NAA11: variants seen among roughly 807,000 people sequenced by gnomAD.
NAA11 encodes the protein N-alpha-acetyltransferase 11, NatA catalytic subunit.
In NAA11, 15 loss-of-function variants were observed where a neutral mutation model predicts 16.1. The observed-to-expected ratio is 0.93, with a 90% CI of 0.62 to 1.44. The LOEUF (loss-of-function observed/expected upper bound fraction) is 1.44. NAA11 is among the 40% of genes most tolerant of loss of function. NAA11 has a pLI of 0.00. For synonymous variants in NAA11, 122 were observed against 112.4 expected (o/e 1.09, Z -0.54); for missense variants, 298 against 291.3 (o/e 1.02, Z -0.17).
chr4:79,170,608 T>TTGTA, the NAA11 span, among the ~76,000 whole-genome samples: 1 of 152,170 alleles, frequency 6.6e-6, no homozygotes, highest in Non-Finnish European at 1.5e-5. Flanking sequence ...TAATGTCTTT[T>TTGTA]TGTAATTGGT....
At chr4:79,303,074 T>TAGATATATATATATATA (rs1560462860) in intron 1 of NAA11, among the ~76,000 whole-genome samples, 1 of 72,284 alleles carries the variant, frequency 1.4e-5, no homozygotes, top group African/African-American at 7.4e-5. Flanking sequence ...TCTTGAGGCC[T>TAGATATATATATATATA]TTTATATATA....
intron 1 of NAA11, among the ~76,000 whole-genome samples, chr4:79,301,467 T>A (rs1578187057): frequency 1.3e-5 from 2 of 152,338 alleles, no homozygotes; most frequent in East Asian, 3.9e-4. Flanking sequence ...TTGATACAAT[T>A]TTTTGATGAA....
At chr4:79,189,960 G>T in the NAA11 span, among the ~76,000 whole-genome samples, 1 of 152,190 alleles carries the variant, frequency 6.6e-6, no homozygotes, top group African/African-American at 2.4e-5. Context: ...TGGAAGGCTT[G>T]CAGAGAACTA....
At chr4:79,293,017 G>C (rs1451143268) in intron 2 of NAA11, among the ~76,000 whole-genome samples, 1 of 151,852 alleles carries the variant, frequency 6.6e-6, no homozygotes, top group East Asian at 1.9e-4. Context: ...AATTATATTT[G>C]TTGTCTATAT....
chr4:79,167,350 T>A, the NAA11 span, among the ~76,000 whole-genome samples: 2 of 146,708 alleles, frequency 1.4e-5, no homozygotes, highest in Non-Finnish European at 3.0e-5. Flanking sequence ...ACTTATGTTT[T>A]GGGAAATTTA....
At chr4:79,164,032 T>C in the NAA11 span, among the ~76,000 whole-genome samples, 4 of 152,172 alleles carry the variant, frequency 2.6e-5, no homozygotes, top group African/African-American at 7.2e-5. Context: ...ATCTCTTTGC[T>C]GATATTACCT....
At chr4:79,204,067 GA>G in the NAA11 span, among the ~76,000 whole-genome samples, 1 of 151,772 alleles carries the variant, frequency 6.6e-6, no homozygotes, top group Non-Finnish European at 1.5e-5. Context: ...TATGTAAATT[GA>G]TATAACTTTT....
At chr4:79,209,419 T>C in the NAA11 span, among the ~76,000 whole-genome samples, 1 of 152,160 alleles carries the variant, frequency 6.6e-6, no homozygotes, top group African/African-American at 2.4e-5. Context: ...CTATGAATGC[T>C]TAATCACCTG....
intron 2 of NAA11, among the ~76,000 whole-genome samples, chr4:79,271,491 C>T (rs1722491855): frequency 6.6e-6 from 1 of 151,936 alleles, no homozygotes; most frequent in Admixed American, 6.6e-5. Flanking sequence ...AATTTGTTTC[C>T]TTGTGAACAA....
At chr4:79,272,138 G>T (rs17441194) in intron 2 of NAA11, among the ~76,000 whole-genome samples, 4 of 150,716 alleles carry the variant, frequency 2.7e-5, no homozygotes, top group Admixed American at 6.6e-5. Flanking sequence ...CACAAATAAG[G>T]CTCCACAGAT....
downstream of NAA11, among the ~76,000 whole-genome samples, chr4:79,221,383 T>A (rs751880309): frequency 0.02 from 2,572 of 127,790 alleles, 21 homozygotes; most frequent in South Asian, 0.057. Flanking sequence ...TCCTGCCTAA[T>A]TGCCCTGGCC....
the NAA11 span, among the ~76,000 whole-genome samples, chr4:79,212,823 G>A: frequency 6.6e-6 from 1 of 151,392 alleles, no homozygotes; most frequent in East Asian, 1.9e-4. Context: ...GTATATAAAG[G>A]GTTCAGTACT....
rs192559477 is a variant in NAA11, at chr4:79,318,476, T to G, written c.*13-685A>C. Among the ~76,000 whole-genome samples the G allele has an allele frequency of 3.9e-3, 597 of 152,258 alleles. 10 individuals carry two copies. The highest frequency in any genetic ancestry group is 0.031 in the Admixed American group (479 of 15,298). On this transcript the variant is annotated intron_variant, in intron 1 of 1. Transcript: ENST00000286794. ...ATTCATTCATTCATTCAATAAATAT[T>G]TACTCAGTACCTTTTCATCTATCAT...
At chr4:79,167,132 T>TTATATATATA in the NAA11 span, among the ~76,000 whole-genome samples, 374 of 17,268 alleles carry the variant, frequency 0.022, 67 homozygotes, top group East Asian at 0.029. Context: ...ACAGCTTATT[T>TTATATATATA]TATATATATA....
chr4:79,323,578 T>C (rs1008519900), intron 1 of NAA11, among the ~76,000 whole-genome samples: 2 of 152,114 alleles, frequency 1.3e-5, no homozygotes, highest in African/African-American at 4.8e-5. Context: ...CCCAGCACTT[T>C]GGGAGGCCGA....
At chr4:79,200,081 C>T in the NAA11 span, among the ~76,000 whole-genome samples, 2 of 151,772 alleles carry the variant, frequency 1.3e-5, no homozygotes, top group African/African-American at 4.8e-5. Context: ...GGGGTACCTA[C>T]AACGAGAAGG....
At chr4:79,265,105 A>C (rs1483063099) in intron 2 of NAA11, among the ~76,000 whole-genome samples, 1 of 152,184 alleles carries the variant, frequency 6.6e-6, no homozygotes, top group East Asian at 1.9e-4. Flanking sequence ...AGTTGGTCGG[A>C]TAAAGTATCT....
the NAA11 span, among the ~76,000 whole-genome samples, chr4:79,171,974 CT>C: frequency 7.9e-5 from 12 of 152,116 alleles, no homozygotes; most frequent in African/African-American, 2.4e-4. Flanking sequence ...TTTGTTTCTA[CT>C]TTTTTTATTT....
At chr4:79,187,991 T>C in the NAA11 span, among the ~76,000 whole-genome samples, 1 of 82,882 alleles carries the variant, frequency 1.2e-5, no homozygotes, top group Non-Finnish European at 2.1e-5. Context: ...AGAGTGAGAC[T>C]CCGTCTCAAA....
Sources: allele counts gnomAD v4.1 joint callset (sites outside exome capture counted in the v4.1 genomes callset), GRCh38; gene constraint gnomAD v4.1.1; transcripts MANE v1.5; gene names NCBI Gene and HGNC (gene_info 2026-07-23, HGNC 2026-07-21).